HBS1L: variants seen among roughly 807,000 people sequenced by gnomAD.
HBS1L encodes the protein HBS1 like translational GTPase.
In HBS1L, 55 loss-of-function variants were observed where a neutral mutation model predicts 88.9. The observed-to-expected ratio is 0.62, with a 90% CI of 0.50 to 0.77. The LOEUF is 0.77. HBS1L is among the 30% of genes least tolerant of loss of function. The pLI, the probability that HBS1L is intolerant of heterozygous loss-of-function variation, is 0.00. For missense variants in HBS1L, 741 were observed against 829.3 expected, an observed-to-expected ratio of 0.89 and a Z score of 1.31; for synonymous variants, 267 against 288.5, an observed-to-expected ratio of 0.93 and a Z score of 0.76.
intron 13 of HBS1L, chr6:134,979,485 G>GT: frequency 2.2e-6 from 1 of 451,980 alleles, no homozygotes; most frequent in Non-Finnish European, 4.0e-6. Context: ...AAAGTGACTT[G>GT]TATTTGCCCA....
chr6:134,993,611 T>C, intron 8 of HBS1L, 147 bp downstream of exon 8: 1 of 419,380 alleles, frequency 2.4e-6, no homozygotes, highest in Admixed American at 4.0e-5. Context: ...AAATACAATA[T>C]TGCTCTTTTT....
At chr6:134,987,322 A>G (rs1053483474) in intron 9 of HBS1L, among the ~76,000 whole-genome samples, 3 of 152,190 alleles carry the variant, frequency 2.0e-5, no homozygotes, top group African/African-American at 7.2e-5. Context: ...ATGAAATGTT[A>G]TAAGTTTCTG....
intron 2 of HBS1L, among the ~76,000 whole-genome samples, chr6:135,050,051 C>T (rs1253286421): frequency 1.3e-5 from 2 of 152,184 alleles, no homozygotes; most frequent in Admixed American, 1.3e-4. Context: ...AATCTTTGGG[C>T]TGATAATCTA....
At chr6:135,009,458 C>T (rs1055772834) in intron 4 of HBS1L, among the ~76,000 whole-genome samples, 1 of 151,900 alleles carries the variant, frequency 6.6e-6, no homozygotes, top group African/African-American at 2.4e-5. Context: ...TGAGAAAAGG[C>T]ATAAGCAGGG....
At chr6:134,988,021 A>G (rs527649717) in intron 8 of HBS1L, among the ~76,000 whole-genome samples, 1 of 152,286 alleles carries the variant, frequency 6.6e-6, no homozygotes, top group East Asian at 1.9e-4. Context: ...ATTATATAAG[A>G]ATTAAAATAT....
At chr6:135,048,067 T>C (rs1166675472) in intron 2 of HBS1L, among the ~76,000 whole-genome samples, 1 of 152,240 alleles carries the variant, frequency 6.6e-6, no homozygotes, top group African/African-American at 2.4e-5. Context: ...TTTGTGATGC[T>C]GGATTGAAGT....
chr6:135,037,487 A>T (rs1776592052), intron 4 of HBS1L: 12 of 1,549,410 alleles, frequency 7.7e-6, no homozygotes, highest in Middle Eastern at 1.7e-4. Context: ...GTTAAGTACA[A>T]AGGATTATTT....
At position 135,006,044 on chromosome 6, in the gene HBS1L, T is replaced by C. The variant is rs145702089; in HGVS notation, c.431-3202A>G. Among the ~76,000 whole-genome samples, 1,314 of 152,338 alleles carry C rather than the reference T, an allele frequency of 8.6e-3. 12 individuals are homozygous for C. The highest frequency in any genetic ancestry group is 0.03 in the African/African-American group (1,236 of 41,572). ...GATAATGAATTTATAGTGGAACCTA[T>C]CTGCCTTTGTGTGACTTTTTCTAGC... On this transcript the variant is annotated intron_variant, in intron 4 of 17. Transcript: ENST00000367837.
At chr6:135,050,053 G>A (rs1777032094) in intron 2 of HBS1L, among the ~76,000 whole-genome samples, 1 of 152,224 alleles carries the variant, frequency 6.6e-6, no homozygotes, top group Non-Finnish European at 1.5e-5. Context: ...TCTTTGGGCT[G>A]ATAATCTAGA....
chr6:135,036,969 T>TA, intron 4 of HBS1L: 1 of 1,551,534 alleles, frequency 6.4e-7, no homozygotes, highest in South Asian at 1.2e-5. Flanking sequence ...CTGGGTTTTT[T>TA]ATAAGGACAC....
Position 135,054,808 on chromosome 6 carries a change from G to A in HBS1L, c.-117C>T, listed in dbSNP as rs995275612. 6.3e-6 allele frequency: 8 copies of A among 1,268,788 alleles called. No homozygotes were observed. Among genetic ancestry groups the A allele is most frequent in the Admixed American group, 2.0e-5 (1 of 50,648 alleles). 78.6% of individuals were successfully genotyped at this position (1,268,788 alleles called of 1,614,324 possible). On this transcript the variant is annotated 5_prime_UTR_variant, in exon 1 of 18. Coordinates refer to ENST00000367837, the MANE Select transcript of HBS1L (RefSeq NM_006620.4). ...CCCCTATGCGCCATCTTGGCTTCCC[G>A]CAGGCCTCTGCGCCGAGCGCCTGCG...
At position 134,965,019 on chromosome 6, in the gene HBS1L, T is replaced by C; in HGVS notation, c.*260A>G. On this transcript the variant is annotated 3_prime_UTR_variant, in exon 18 of 18. Transcript: ENST00000367837. The stretch of plus-strand genomic sequence containing the variant: ...TACTATTTTTGACACTTGCCATAAA[T>C]CTTAGCAAAGTAAATCCATTTATTA... The C allele has an allele frequency of 2.0e-6, 1 of 511,472 alleles. No homozygotes were observed. Among genetic ancestry groups the C allele is most frequent in the Non-Finnish European group, 3.5e-6 (1 of 288,544 alleles). The allele number at this position is 511,472 out of a possible 1,614,324, so 31.7% of individuals were successfully genotyped here.
intron 4 of HBS1L, among the ~76,000 whole-genome samples, chr6:135,009,579 G>T (rs1187798271): frequency 6.6e-6 from 1 of 151,996 alleles, no homozygotes; most frequent in Non-Finnish European, 1.5e-5. Flanking sequence ...TGCAGATTAT[G>T]TTCATGGACT....
intron 4 of HBS1L, among the ~76,000 whole-genome samples, chr6:135,009,873 G>A (rs1317025793): frequency 6.6e-6 from 1 of 150,912 alleles, no homozygotes; most frequent in African/African-American, 2.4e-5. Flanking sequence ...CTCGTGATCC[G>A]CCCGCCTCGG....
chr6:134,969,485 T>TTAA (rs1774420221), intron 15 of HBS1L, 147 bp from the exon 16 acceptor site: 1 of 610,420 alleles, frequency 1.6e-6, no homozygotes, highest in Non-Finnish European at 2.9e-6. Context: ...GTCCCACCAC[T>TTAA]CTAATCAGGT....
intron 17 of HBS1L, 74 bp downstream of exon 17, chr6:134,966,255 T>C (rs956797249): frequency 6.2e-5 from 82 of 1,331,742 alleles, no homozygotes; most frequent in Non-Finnish European, 7.6e-5. Context: ...ATGCTTTCTT[T>C]TCATTCCTAA....
chr6:135,037,783 G>C (rs1776604768), intron 4 of HBS1L: 1 of 1,549,130 alleles, frequency 6.5e-7, no homozygotes, highest in Non-Finnish European at 8.7e-7. Context: ...AATTAGGTTA[G>C]CTAGTGAAAG....
intron 4 of HBS1L, among the ~76,000 whole-genome samples, chr6:135,019,617 A>G (rs1776016700): frequency 6.6e-6 from 1 of 151,774 alleles, no homozygotes. Context: ...TCTTTAATAC[A>G]TTTTACCTTT....
At chr6:135,016,157 A>T (rs944678422) in intron 4 of HBS1L, among the ~76,000 whole-genome samples, 13 of 152,178 alleles carry the variant, frequency 8.5e-5, no homozygotes, top group African/African-American at 3.1e-4. Context: ...AAGTGCTGGG[A>T]TTACAGGCCG....
Sources: gnomAD v4.1 joint callset for allele counts (sites outside exome capture counted in the v4.1 genomes callset) on GRCh38, gnomAD v4.1.1 for gene constraint, MANE v1.5 for transcripts, NCBI Gene and HGNC (gene_info 2026-07-23, HGNC 2026-07-21) for gene names.